TRDN: variants seen among roughly 807,000 people sequenced by gnomAD.
TRDN encodes the protein triadin in skeletal muscle.
In TRDN, 161 loss-of-function variants were observed where a neutral mutation model predicts 149.7. That is an observed-to-expected ratio of 1.08 (90% CI 0.95 to 1.23). TRDN has a LOEUF of 1.23. Among genes scored for constraint, TRDN ranks in the 50% most tolerant of loss-of-function variants. TRDN has a pLI of 0.00. For missense variants in TRDN, 896 were observed against 823.5 expected, an observed-to-expected ratio of 1.09 and a Z score of -1.08; for synonymous variants, 294 against 250.5, an observed-to-expected ratio of 1.17 and a Z score of -1.64.
intron 1 of TRDN, among the ~76,000 whole-genome samples, chr6:123,591,225 T>C (rs964745310): frequency 2.0e-5 from 3 of 152,184 alleles, no homozygotes; most frequent in Admixed American, 1.3e-4. Context: ...CATATCATTA[T>C]ATTTGTTTTA....
chr6:123,549,502 G>T (rs1358055887), intron 2 of TRDN, among the ~76,000 whole-genome samples: 2 of 151,908 alleles, frequency 1.3e-5, no homozygotes. Context: ...AACTATTTTA[G>T]CTTTTCAGAG....
At position 123,307,464 on chromosome 6, in the gene TRDN, C is replaced by G. The variant is rs183730373; in HGVS notation, c.1510+8993G>C. On this transcript the variant is annotated intron_variant, in intron 24 of 40. Transcript: ENST00000334268. ...TCTTTGATTCTACATACAAGAATAT[C>G]ATTTTTGGCCTCCCTTTGACAACAA... is the stretch of plus-strand genomic sequence containing the variant. Among the ~76,000 whole-genome samples, 114 of 152,138 alleles carry G rather than the reference C, an allele frequency of 7.5e-4. 1 individual carries two copies. The highest frequency in any genetic ancestry group is 5.8e-3 in the South Asian group (28 of 4,826).
At chr6:123,395,404 T>C (rs563402005) in intron 12 of TRDN, among the ~76,000 whole-genome samples, 1 of 152,254 alleles carries the variant, frequency 6.6e-6, no homozygotes, top group East Asian at 1.9e-4. Flanking sequence ...TTCAGAAACA[T>C]GCCCCTGAGT....
At chr6:123,309,450 A>G (rs1778733139) in intron 24 of TRDN, among the ~76,000 whole-genome samples, 1 of 151,944 alleles carries the variant, frequency 6.6e-6, no homozygotes, top group Non-Finnish European at 1.5e-5. Flanking sequence ...GAGTATGATG[A>G]GCTTCACCCA....
chr6:123,447,767 G>A (rs1396094393), intron 10 of TRDN, among the ~76,000 whole-genome samples: 5 of 146,334 alleles, frequency 3.4e-5, no homozygotes, highest in Non-Finnish European at 6.0e-5. Context: ...AGTGAGATCA[G>A]TTTCAAAAAA....
chr6:123,513,987 TG>T (rs1313960058), intron 6 of TRDN, among the ~76,000 whole-genome samples: 1 of 152,096 alleles, frequency 6.6e-6, no homozygotes, highest in African/African-American at 2.4e-5. Flanking sequence ...CCTAAAACAA[TG>T]GCAAAAATTA....
chr6:123,466,522 A>G (rs1402103431), intron 9 of TRDN, among the ~76,000 whole-genome samples: 1 of 151,978 alleles, frequency 6.6e-6, no homozygotes, highest in Non-Finnish European at 1.5e-5. Flanking sequence ...CAGATTGCCT[A>G]TGCTTAACAG....
At chr6:123,333,374 T>C (rs1386809498) in intron 22 of TRDN, among the ~76,000 whole-genome samples, 1 of 152,002 alleles carries the variant, frequency 6.6e-6, no homozygotes, top group Non-Finnish European at 1.5e-5. Flanking sequence ...TTGATTTTAG[T>C]GGAGAGAGAA....
At chr6:123,578,229 TTG>T (rs1254306451) in intron 1 of TRDN, among the ~76,000 whole-genome samples, 8 of 152,160 alleles carry the variant, frequency 5.3e-5, no homozygotes, top group Non-Finnish European at 8.8e-5. Context: ...CAGGATGATA[TTG>T]CCTAGGTTGT....
intron 2 of TRDN, among the ~76,000 whole-genome samples, chr6:123,565,873 A>T (rs2114517637): frequency 6.6e-6 from 1 of 152,312 alleles, no homozygotes; most frequent in East Asian, 1.9e-4. Flanking sequence ...GTGGTGAGAG[A>T]CAAACAAGTC....
chr6:123,266,483 A>T (rs186906542), intron 32 of TRDN, among the ~76,000 whole-genome samples: 3 of 3,736 alleles, frequency 8.0e-4, no homozygotes, highest in Non-Finnish European at 7.4e-4. Context: ...TATATATTAT[A>T]ATATGTATTA....
chr6:123,488,441 A>G (rs993379295), intron 9 of TRDN, among the ~76,000 whole-genome samples: 5 of 152,124 alleles, frequency 3.3e-5, no homozygotes, highest in Admixed American at 6.6e-5. Context: ...CAGTCCAGTG[A>G]GCATTGACCC....
chr6:123,254,809 A>T (rs952089484), intron 37 of TRDN: 2 of 277,190 alleles, frequency 7.2e-6, no homozygotes, highest in Non-Finnish European at 1.4e-5. Flanking sequence ...ATGCTAAAAA[A>T]GTCTTTGTAA....
At chr6:123,573,635 A>G (rs1782684721) in intron 1 of TRDN, among the ~76,000 whole-genome samples, 1 of 152,032 alleles carries the variant, frequency 6.6e-6, no homozygotes, top group Admixed American at 6.6e-5. Flanking sequence ...TTTCCAATCA[A>G]TTAATTGACT....
intron 1 of TRDN, among the ~76,000 whole-genome samples, chr6:123,630,937 G>A (rs1049522264): frequency 3.3e-5 from 5 of 151,872 alleles, no homozygotes; most frequent in African/African-American, 1.2e-4. Context: ...ATCCTCCCCA[G>A]ACCAAGAGTG....
intron 24 of TRDN, among the ~76,000 whole-genome samples, chr6:123,315,766 G>A (rs548357295): frequency 6.6e-6 from 1 of 151,852 alleles, no homozygotes; most frequent in Non-Finnish European, 1.5e-5. Flanking sequence ...AGGATTTAGT[G>A]TCTTCCTTTT....
chr6:123,377,604 T>A (rs1781556872), intron 18 of TRDN, 112 bp downstream of exon 18: 1 of 1,256,536 alleles, frequency 8.0e-7, no homozygotes, highest in Non-Finnish European at 1.1e-6. Flanking sequence ...CACTGTGAGA[T>A]GGAAGCATTC....
intron 35 of TRDN, among the ~76,000 whole-genome samples, chr6:123,257,229 C>T (rs1226588571): frequency 3.3e-5 from 5 of 152,050 alleles, no homozygotes; most frequent in Admixed American, 1.3e-4. Context: ...CCGCCCACAT[C>T]AGCCTCCCAA....
chr6:123,419,349 T>C (rs948743960), intron 12 of TRDN, among the ~76,000 whole-genome samples: 1 of 152,200 alleles, frequency 6.6e-6, no homozygotes, highest in Admixed American at 6.5e-5. Context: ...GGAGTTGCTT[T>C]AGCCTTTACA....
Sources: allele counts gnomAD v4.1 joint callset (sites outside exome capture counted in the v4.1 genomes callset), GRCh38; gene constraint gnomAD v4.1.1; transcripts MANE v1.5; gene names NCBI Gene and HGNC (gene_info 2026-07-23, HGNC 2026-07-21).